DPYD: variants seen among roughly 807,000 people sequenced by gnomAD.
DPYD encodes the protein dihydropyrimidine dehydrogenase [NADP(+)].
Under a neutral mutation model 116.2 loss-of-function variants are expected in DPYD, and 109 were observed. The ratio of observed to expected loss-of-function variants is 0.94; its 90% CI spans 0.80 to 1.10. DPYD has a LOEUF of 1.10. DPYD is among the 50% of genes least tolerant of loss of function. DPYD has a pLI of 0.00. For synonymous variants in DPYD, 440 were observed against 432.0 expected (o/e 1.02, Z -0.23); for missense variants, 1,302 against 1,254.5 (o/e 1.04, Z -0.57).
At position 97,782,626 on chromosome 1, in the gene DPYD, G is replaced by T. The variant is rs539325993; in HGVS notation, c.234-42147C>A. 5.9e-5 allele frequency among the ~76,000 whole-genome samples: 9 copies of T among 152,196 alleles called. No individual in the cohort carries two copies. The South Asian group carries it at 1.9e-3, about 32-fold the overall frequency. The stretch of plus-strand genomic sequence containing the variant: ...TTTAGATTTAAAACGTTCAGTAAAA[G>T]CACAGAAAGTAAAAGTAGTATAAAG... On this transcript the variant is annotated intron_variant, in intron 3 of 22. Coordinates refer to ENST00000370192, the MANE Select transcript of DPYD (RefSeq NM_000110.4).
At chr1:97,401,925 A>G (rs1673400298) in intron 14 of DPYD, among the ~76,000 whole-genome samples, 1 of 152,088 alleles carries the variant, frequency 6.6e-6, no homozygotes, top group Non-Finnish European at 1.5e-5. Context: ...GTCAAAAATC[A>G]GTTGATTTAA....
At chr1:97,648,463 G>T (rs1430853155) in intron 8 of DPYD, among the ~76,000 whole-genome samples, 1 of 151,752 alleles carries the variant, frequency 6.6e-6, no homozygotes, top group Non-Finnish European at 1.5e-5. Flanking sequence ...AATAAACCTG[G>T]ATTTCCTGTT....
chr1:97,478,936 C>G (rs1271298439), intron 13 of DPYD, among the ~76,000 whole-genome samples: 4 of 152,180 alleles, frequency 2.6e-5, no homozygotes, highest in Non-Finnish European at 5.9e-5. Flanking sequence ...AAGCCAACTT[C>G]TGTTGGCTTC....
chr1:97,347,029 T>G (rs1212247240), intron 16 of DPYD, among the ~76,000 whole-genome samples: 1 of 151,854 alleles, frequency 6.6e-6, no homozygotes, highest in Non-Finnish European at 1.5e-5. Flanking sequence ...TGGATATTTT[T>G]TATAGATTAT....
At chr1:97,603,473 G>GA (rs1271329667) in intron 8 of DPYD, among the ~76,000 whole-genome samples, 1 of 151,802 alleles carries the variant, frequency 6.6e-6, no homozygotes, top group Non-Finnish European at 1.5e-5. Flanking sequence ...ATACATAACG[G>GA]AAAAAAACCC....
chr1:97,229,253 AAAAAAAAAGACG>A (rs1332069441), intron 19 of DPYD, among the ~76,000 whole-genome samples: 1 of 150,310 alleles, frequency 6.7e-6, no homozygotes, highest in Admixed American at 6.6e-5. Flanking sequence ...GGAAGTAAAA[AAAAAAAAAGACG>A]AATAAAAAGA....
chr1:97,514,316 A>G (rs1273346097), intron 13 of DPYD: 1 of 866,672 alleles, frequency 1.2e-6, no homozygotes, highest in African/African-American at 1.8e-5. Flanking sequence ...TTGCAAGCGA[A>G]GAAAACATCA....
chr1:97,608,512 T>C (rs1033120586), intron 8 of DPYD, among the ~76,000 whole-genome samples: 1 of 151,764 alleles, frequency 6.6e-6, no homozygotes, highest in Admixed American at 6.6e-5. Context: ...ATGGGTAACG[T>C]AGCGACACCT....
At chr1:97,325,606 T>G (rs1299343828) in intron 16 of DPYD, among the ~76,000 whole-genome samples, 3 of 151,962 alleles carry the variant, frequency 2.0e-5, no homozygotes, top group Admixed American at 6.6e-5. Context: ...CTGCTCTACT[T>G]GAAGTGTTTA....
intron 20 of DPYD, among the ~76,000 whole-genome samples, chr1:97,134,969 G>A (rs1218267467): frequency 1.1e-5 from 1 of 89,272 alleles, no homozygotes; most frequent in Non-Finnish European, 2.2e-5. Context: ...CTCTTTCCAG[G>A]TGGGGTCTTA....
chr1:97,658,639 T>A (rs777917776), intron 8 of DPYD, among the ~76,000 whole-genome samples: 2 of 152,174 alleles, frequency 1.3e-5, no homozygotes, highest in Non-Finnish European at 2.9e-5. Context: ...ATCATCACTC[T>A]CCTGCACTGT....
chr1:97,296,097 C>G (rs1414642136), intron 18 of DPYD: 2 of 152,106 alleles, frequency 1.3e-5, no homozygotes, highest in East Asian at 1.9e-4. Context: ...TTTCATTGAT[C>G]TCAAATATTA....
chr1:97,641,299 G>A (rs1048025740), intron 8 of DPYD, among the ~76,000 whole-genome samples: 7 of 152,142 alleles, frequency 4.6e-5, no homozygotes, highest in Non-Finnish European at 1.0e-4. Flanking sequence ...TTCTTTTGGA[G>A]ACATATATAA....
intron 19 of DPYD, among the ~76,000 whole-genome samples, chr1:97,213,101 TA>T (rs200304574): frequency 0.011 from 1,703 of 152,170 alleles, 35 homozygotes; most frequent in African/African-American, 0.039. Context: ...GTCTCTTGAA[TA>T]AAAGCACCAA....
At chr1:97,370,228 C>T (rs1403957565) in intron 16 of DPYD, among the ~76,000 whole-genome samples, 1 of 152,118 alleles carries the variant, frequency 6.6e-6, no homozygotes, top group Non-Finnish European at 1.5e-5. Flanking sequence ...CCATGGAATA[C>T]TATGCAGCCA....
At chr1:97,562,717 G>C (rs1395127523) in intron 11 of DPYD, among the ~76,000 whole-genome samples, 1 of 152,018 alleles carries the variant, frequency 6.6e-6, no homozygotes, top group East Asian at 1.9e-4. Context: ...CATATATGCA[G>C]ATCAATGTCT....
chr1:97,818,906 A>G (rs1222960205), intron 3 of DPYD, among the ~76,000 whole-genome samples: 5 of 152,028 alleles, frequency 3.3e-5, no homozygotes, highest in Admixed American at 3.3e-4. Flanking sequence ...ACATATACAT[A>G]CATTCATATT....
intron 19 of DPYD, among the ~76,000 whole-genome samples, chr1:97,218,430 A>G (rs976356223): frequency 5.3e-5 from 8 of 152,100 alleles, no homozygotes; most frequent in East Asian, 1.9e-4. Context: ...CTCACTAATA[A>G]GAGCTACCCA....
intron 3 of DPYD, among the ~76,000 whole-genome samples, chr1:97,799,717 CT>C (rs138436962): frequency 0.07 from 10,681 of 151,668 alleles, 496 homozygotes; most frequent in African/African-American, 0.12. Flanking sequence ...CTTATCAAAA[CT>C]TTTTTTTGTC....
Sources: allele counts gnomAD v4.1 joint callset (sites outside exome capture counted in the v4.1 genomes callset), GRCh38; gene constraint gnomAD v4.1.1; transcripts MANE v1.5; gene names NCBI Gene and HGNC (gene_info 2026-07-23, HGNC 2026-07-21).